Variants in NFIB observed in about 807,000 individuals in gnomAD.
NFIB encodes nuclear factor 1 B-type.
A neutral mutation model predicts 61.5 loss-of-function variants in NFIB; 11 were observed. The ratio of observed to expected loss-of-function variants is 0.18; its 90% CI spans 0.11 to 0.30. The LOEUF (loss-of-function observed/expected upper bound fraction) is 0.30. NFIB is among the 10% of genes least tolerant of loss of function. The probability of loss-of-function intolerance (pLI) is 1.00; values close to 1 mark genes in which losing one functional copy is unlikely to be tolerated. For missense variants in NFIB, 471 were observed against 608.9 expected (o/e 0.77, Z 2.38); for synonymous variants, 260 against 216.5 (o/e 1.20, Z -1.76).
At chr9:14,292,529 T>C (rs1048550269) in intron 2 of NFIB, among the ~76,000 whole-genome samples, 1 of 152,238 alleles carries the variant, frequency 6.6e-6, no homozygotes, top group Non-Finnish European at 1.5e-5. Context: ...TCTGCCAAGA[T>C]AACCAGAAAC....
At chr9:14,099,975 G>A (rs564683753) in intron 10 of NFIB, among the ~76,000 whole-genome samples, 35 of 152,214 alleles carry the variant, frequency 2.3e-4, no homozygotes, top group Non-Finnish European at 3.8e-4. Context: ...TGGTAGCTGA[G>A]GCGTTAAGAA....
the NFIB span, among the ~76,000 whole-genome samples, chr9:14,446,765 A>T: frequency 6.6e-6 from 1 of 152,204 alleles, no homozygotes; most frequent in African/African-American, 2.4e-5. Flanking sequence ...TTTTAAAGAC[A>T]TCACAAGAGT....
intron 2 of NFIB, among the ~76,000 whole-genome samples, chr9:14,190,838 A>C (rs1479622286): frequency 6.6e-6 from 1 of 152,178 alleles, no homozygotes; most frequent in Non-Finnish European, 1.5e-5. Context: ...AGACATGAAG[A>C]TGGGGCATTT....
chr9:14,099,827 CT>C (rs1341396929), intron 10 of NFIB, among the ~76,000 whole-genome samples: 4 of 152,214 alleles, frequency 2.6e-5, no homozygotes, highest in African/African-American at 7.2e-5. Flanking sequence ...AATCTCAGTA[CT>C]TTGGGAGGCC....
At chr9:14,468,696 T>C in the NFIB span, among the ~76,000 whole-genome samples, 1 of 152,186 alleles carries the variant, frequency 6.6e-6, no homozygotes. Context: ...ATACAGTGGA[T>C]GTATATGAAG....
chr9:14,427,937 GTTTTTTTTTTTT>G, the NFIB span, among the ~76,000 whole-genome samples: 62 of 43,430 alleles, frequency 1.4e-3, 3 homozygotes, highest in East Asian at 0.039. Context: ...TAATTCAGTT[GTTTTTTTTTTTT>G]TTTTTTTTTT....
At chr9:14,385,923 C>A (rs541382353) in intron 1 of NFIB, among the ~76,000 whole-genome samples, 2 of 151,904 alleles carry the variant, frequency 1.3e-5, no homozygotes, top group South Asian at 4.2e-4. Flanking sequence ...GTTAGGATTA[C>A]AGGCATGTTC....
At chr9:14,528,643 A>T in the NFIB span, among the ~76,000 whole-genome samples, 16 of 152,150 alleles carry the variant, frequency 1.1e-4, no homozygotes, top group African/African-American at 3.9e-4. Flanking sequence ...GATGGGATCA[A>T]ATGATTAGAT....
upstream of NFIB, among the ~76,000 whole-genome samples, chr9:14,399,211 A>G (rs1437381722): frequency 6.6e-6 from 1 of 152,222 alleles, no homozygotes; most frequent in Admixed American, 6.5e-5. Context: ...AAATGTGGCA[A>G]CCAGAAAATT....
chr9:14,378,792 T>C (rs1408672480), intron 1 of NFIB, among the ~76,000 whole-genome samples: 1 of 152,188 alleles, frequency 6.6e-6, no homozygotes, highest in African/African-American at 2.4e-5. Context: ...ACCGTGATTG[T>C]TACCTGGAGG....
chr9:14,425,754 G>T, the NFIB span, among the ~76,000 whole-genome samples: 4 of 151,702 alleles, frequency 2.6e-5, no homozygotes, highest in Admixed American at 2.0e-4. Flanking sequence ...TTGGACCATG[G>T]GCTACTTCAC....
chr9:14,442,723 A>G, the NFIB span, among the ~76,000 whole-genome samples: 4 of 152,034 alleles, frequency 2.6e-5, no homozygotes, highest in South Asian at 8.3e-4. Flanking sequence ...GTTCTATAAA[A>G]CTTGATTATC....
At chr9:14,388,481 GAGAA>G (rs1171157465) in intron 1 of NFIB, among the ~76,000 whole-genome samples, 8 of 149,600 alleles carry the variant, frequency 5.3e-5, no homozygotes, top group African/African-American at 1.8e-4. Context: ...GAGAGAGAGA[GAGAA>G]AGAGAGAGAG....
chr9:14,125,471 A>T (rs1418767687), intron 7 of NFIB, among the ~76,000 whole-genome samples, 161 bp downstream of exon 7: 1 of 152,204 alleles, frequency 6.6e-6, no homozygotes, highest in East Asian at 1.9e-4. Context: ...TTTTCTCATA[A>T]ATTGAGAAGA....
intron 1 of NFIB, among the ~76,000 whole-genome samples, chr9:14,347,604 G>GGAGAAGGGAGAAGA (rs200975796): frequency 6.6e-6 from 1 of 152,160 alleles, no homozygotes; most frequent in Non-Finnish European, 1.5e-5. Flanking sequence ...AAGGGAGAAG[G>GGAGAAGGGAGAAGA]GAAGGAGTGG....
At chr9:14,215,658 G>A (rs2050781151) in intron 2 of NFIB, among the ~76,000 whole-genome samples, 2 of 152,140 alleles carry the variant, frequency 1.3e-5, no homozygotes, top group Admixed American at 1.3e-4. Context: ...TGCCCCATTT[G>A]TTAACAGTAC....
At chr9:14,261,511 G>A (rs2056752567) in intron 2 of NFIB, among the ~76,000 whole-genome samples, 1 of 152,020 alleles carries the variant, frequency 6.6e-6, no homozygotes, top group Non-Finnish European at 1.5e-5. Flanking sequence ...AAAGTTTGTT[G>A]AAAATTAACT....
intron 2 of NFIB, among the ~76,000 whole-genome samples, chr9:14,257,776 G>C (rs1194592663): frequency 3.3e-5 from 5 of 151,926 alleles, no homozygotes; most frequent in Admixed American, 3.3e-4. Flanking sequence ...AAAAACGAAA[G>C]AAAGAAACAT....
chr9:14,510,948 G>C, the NFIB span, among the ~76,000 whole-genome samples: 326 of 152,246 alleles, frequency 2.1e-3, 1 homozygote, highest in African/African-American at 7.6e-3. Flanking sequence ...TAATATTTCA[G>C]ATATTTCCTC....
Sources: allele counts gnomAD v4.1 joint callset (sites outside exome capture counted in the v4.1 genomes callset), GRCh38; gene constraint gnomAD v4.1.1; transcripts MANE v1.5; gene names NCBI Gene and HGNC (gene_info 2026-07-23, HGNC 2026-07-21).